OPRM1: variants seen among roughly 807,000 people sequenced by gnomAD.
The protein encoded by OPRM1 is opioid receptor mu 1.
OPRM1 carries 27 observed loss-of-function variants against 31.8 expected under a neutral mutation model. That is an observed-to-expected ratio of 0.85 (90% CI 0.63 to 1.17). The LOEUF (loss-of-function observed/expected upper bound fraction) is 1.17. OPRM1 is among the 50% of genes most tolerant of loss of function. The pLI, the probability that OPRM1 is intolerant of heterozygous loss-of-function variation, is 0.00. For synonymous variants in OPRM1, 196 were observed against 189.9 expected, an observed-to-expected ratio of 1.03 and a Z score of -0.26; for missense variants, 536 against 511.1, an observed-to-expected ratio of 1.05 and a Z score of -0.47.
chr6:154,152,335 G>GAAAAGAA (rs762104143), intron 3 of OPRM1, among the ~76,000 whole-genome samples: 1 of 33,940 alleles, frequency 2.9e-5, no homozygotes, highest in Admixed American at 3.6e-4. Flanking sequence ...AAGAAAGAAA[G>GAAAAGAA]AAAGAAAGAA....
chr6:154,240,852 TG>T (rs1326650060), intron 3 of OPRM1, among the ~76,000 whole-genome samples: 1 of 152,182 alleles, frequency 6.6e-6, no homozygotes, highest in Non-Finnish European at 1.5e-5. Flanking sequence ...ACAGACATAT[TG>T]GGGCCTCAAA....
At chr6:154,181,768 C>T (rs550265710) in intron 3 of OPRM1, among the ~76,000 whole-genome samples, 2 of 152,280 alleles carry the variant, frequency 1.3e-5, no homozygotes, top group South Asian at 4.1e-4. Flanking sequence ...GATAAGCCAG[C>T]CAGCAATCTA....
intron 3 of OPRM1, among the ~76,000 whole-genome samples, chr6:154,202,814 C>A (rs558840913): frequency 6.6e-6 from 1 of 152,068 alleles, no homozygotes; most frequent in African/African-American, 2.4e-5. Context: ...AGGCACCAGG[C>A]ACCACTTATA....
At chr6:154,192,318 C>CTGTGTGTGTGTGTGTGTG (rs56231733) in intron 3 of OPRM1, among the ~76,000 whole-genome samples, 36 of 148,124 alleles carry the variant, frequency 2.4e-4, no homozygotes, top group African/African-American at 4.0e-4. Flanking sequence ...CACGTGGTTA[C>CTGTGTGTGTGTGTGTGTG]TGTGTGTGTG....
chr6:154,041,546 A>G (rs1780064162), intron 1 of OPRM1, among the ~76,000 whole-genome samples: 1 of 152,194 alleles, frequency 6.6e-6, no homozygotes, highest in African/African-American at 2.4e-5. Context: ...AAGTAAATAA[A>G]CTGAGGCACA....
chr6:154,205,732 A>G (rs1205055566), intron 3 of OPRM1, among the ~76,000 whole-genome samples: 1 of 152,242 alleles, frequency 6.6e-6, no homozygotes, highest in East Asian at 1.9e-4. Context: ...GAGGACAATG[A>G]ATAAACTGCA....
At chr6:154,241,579 T>A (rs1356744323) in intron 3 of OPRM1, among the ~76,000 whole-genome samples, 3 of 152,142 alleles carry the variant, frequency 2.0e-5, no homozygotes, top group Non-Finnish European at 2.9e-5. Flanking sequence ...TTTTTGTGTC[T>A]TATATCCAAG....
intron 1 of OPRM1, among the ~76,000 whole-genome samples, chr6:154,052,176 G>A (rs751463890): frequency 1.3e-5 from 2 of 152,066 alleles, no homozygotes; most frequent in Admixed American, 6.6e-5. Context: ...GGGCCCTGTC[G>A]GGGGTTGGGG....
rs200251590 is a variant in OPRM1, at chr6:154,090,055, C to T, written c.520C>T (p.Pro174Ser). ...TGATCGATACATTGCAGTCTGCCAC[C>T]CTGTCAAGGCCTTAGATTTCCGTAC... ...SVDRYIAVCHPVKALDFRTPR... is the reference protein window; with the variant it reads ...SVDRYIAVCHSVKALDFRTPR... Residue 174 changes from proline to serine, a missense_variant, in exon 2 of 4, where the codon CCT (proline) becomes TCT (serine). Physicochemically the swap from Pro to Ser is moderately conservative, Grantham distance 74. Coordinates refer to ENST00000330432, the MANE Select transcript of OPRM1 (RefSeq NM_000914.5). 28 of 1,613,796 alleles carry T rather than the reference C, an allele frequency of 1.7e-5. No individual in the cohort carries two copies. The African/African-American group carries it at 3.5e-4, about 20-fold the overall frequency.
intron 3 of OPRM1, among the ~76,000 whole-genome samples, chr6:154,197,596 A>G (rs923696147): frequency 6.6e-6 from 1 of 152,228 alleles, no homozygotes; most frequent in Non-Finnish European, 1.5e-5. Flanking sequence ...ACTAAATAAT[A>G]CCAGGTTGCT....
chr6:154,044,821 C>T (rs1780791804), intron 1 of OPRM1, among the ~76,000 whole-genome samples: 1 of 152,096 alleles, frequency 6.6e-6, no homozygotes, highest in South Asian at 2.1e-4. Flanking sequence ...AATATTATTT[C>T]TCCTAGGATT....
chr6:154,060,550 A>G (rs2128433996), intron 1 of OPRM1, among the ~76,000 whole-genome samples: 1 of 152,320 alleles, frequency 6.6e-6, no homozygotes, highest in South Asian at 2.1e-4. Context: ...ACAGATTGGA[A>G]AAGAATAAGG....
intron 3 of OPRM1, among the ~76,000 whole-genome samples, chr6:154,186,609 T>G (rs910274794): frequency 6.6e-6 from 1 of 151,932 alleles, no homozygotes; most frequent in Non-Finnish European, 1.5e-5. Context: ...CAGGCTGGAG[T>G]GCAGTGGTGC....
At chr6:154,180,374 T>C (rs1378918069) in intron 3 of OPRM1, among the ~76,000 whole-genome samples, 1 of 145,166 alleles carries the variant, frequency 6.9e-6, no homozygotes, top group East Asian at 1.9e-4. Context: ...TGAGCTAGTT[T>C]AACAACAACA....
At chr6:154,032,555 C>T (rs79223021) in intron 1 of OPRM1, among the ~76,000 whole-genome samples, 4,390 of 152,228 alleles carry the variant, frequency 0.029, 201 homozygotes, top group African/African-American at 0.1. Flanking sequence ...CCCACCTCAG[C>T]CTACCGAGTA....
chr6:154,178,651 G>T (rs1800565359), intron 3 of OPRM1, among the ~76,000 whole-genome samples: 2 of 152,038 alleles, frequency 1.3e-5, no homozygotes, highest in South Asian at 4.1e-4. Flanking sequence ...CATGAAAACA[G>T]AATTCACCTA....
chr6:154,012,136 T>C (rs1777764700), intron 1 of OPRM1, among the ~76,000 whole-genome samples: 1 of 152,188 alleles, frequency 6.6e-6, no homozygotes, highest in African/African-American at 2.4e-5. Flanking sequence ...TGGACATAAC[T>C]ATGGGCTAAA....
intron 3 of OPRM1, chr6:154,200,184 A>G (rs1776950234): frequency 4.1e-6 from 3 of 739,778 alleles, no homozygotes; most frequent in African/African-American, 1.8e-5. Flanking sequence ...TAAAGATATG[A>G]TATTTATTTC....
intron 3 of OPRM1, among the ~76,000 whole-genome samples, chr6:154,220,468 C>T (rs186871217): frequency 4.5e-4 from 68 of 152,136 alleles, no homozygotes; most frequent in African/African-American, 1.5e-3. Context: ...ACCAGCCTGG[C>T]CAACATGGTG....
Sources: allele counts gnomAD v4.1 joint callset (sites outside exome capture counted in the v4.1 genomes callset), GRCh38; gene constraint gnomAD v4.1.1; transcripts MANE v1.5; gene names NCBI Gene and HGNC (gene_info 2026-07-23, HGNC 2026-07-21).